The following MYH10 variants were observed in gnomAD, a reference collection of about 807,000 sequenced individuals.
MYH10 encodes myosin-10.
In MYH10, 55 loss-of-function variants were observed where a neutral mutation model predicts 257.8. The ratio of observed to expected loss-of-function variants is 0.21; its 90% confidence interval spans 0.17 to 0.27. The LOEUF is 0.27. MYH10 is among the 10% of genes least tolerant of loss of function. The pLI, the probability that MYH10 is intolerant of heterozygous loss-of-function variation, is 1.00. For missense variants in MYH10, 1,631 were observed against 2,500.6 expected (o/e 0.65, Z 7.42); for synonymous variants, 854 against 921.7 (o/e 0.93, Z 1.33).
intron 36 of MYH10, 22 bp from the exon 37 acceptor site, chr17:8,484,288 T>C: frequency 6.3e-7 from 1 of 1,591,998 alleles, no homozygotes. Context: ...TAAGAAGGTT[T>C]TGGGGTGGTT....
chr17:8,629,121 T>C (rs1044407540), intron 1 of MYH10, among the ~76,000 whole-genome samples: 7 of 151,932 alleles, frequency 4.6e-5, no homozygotes, highest in Non-Finnish European at 1.0e-4. Context: ...TAAAGGCAGA[T>C]TGATGAAGGA....
At chr17:8,526,872 T>C (rs575996669) in intron 17 of MYH10, among the ~76,000 whole-genome samples, 91 of 152,290 alleles carry the variant, frequency 6.0e-4, no homozygotes, top group African/African-American at 2.1e-3. Flanking sequence ...CTACTTAATA[T>C]AGCTGGAAAC....
Position 8,495,241 on chromosome 17 carries a change from T to G in MYH10, c.3952A>C (p.Asn1318His). The G allele has an allele frequency of 6.3e-7, 1 of 1,584,528 alleles. No homozygotes were observed. The highest frequency in any genetic ancestry group is 8.7e-7 in the Non-Finnish European group (1 of 1,153,808). ...ELAEKASKLQ[N>H]ELDNVSTLLE... ...AGGGTGGAGACATTATCTAGCTCAT[T>G]CTGTAAGGAGCAGAAGATTAAATTC... Residue 1318 changes from asparagine (N) to histidine (H), a missense_variant and splice_region_variant, in exon 31 of 43, where the codon AAT becomes CAT. Physicochemically the swap from Asn to His is moderately conservative, Grantham distance 68 (BLOSUM62 1). Around this residue, in one of 11 missense-constraint regions of MYH10, gnomAD observed 463 missense variants for 621.8 expected, o/e 0.74. Transcript: ENST00000360416.
intron 1 of MYH10, among the ~76,000 whole-genome samples, chr17:8,625,818 T>C (rs1391611896): frequency 1.3e-5 from 2 of 152,182 alleles, no homozygotes; most frequent in Non-Finnish European, 2.9e-5. Context: ...AGTTCCCAGA[T>C]GCTGCTGCCA....
intron 2 of MYH10, among the ~76,000 whole-genome samples, chr17:8,619,332 CATG>C (rs770752835): frequency 6.6e-6 from 1 of 152,128 alleles, no homozygotes; most frequent in East Asian, 1.9e-4. Flanking sequence ...TGCCTTTATT[CATG>C]ATAAGGCGTC....
chr17:8,475,602 C>CTG lies in MYH10; in HGVS notation c.*200_*201dup. On this transcript the variant is annotated 3_prime_UTR_variant, in exon 43 of 43. Transcript: ENST00000360416. Reference sequence around the variant, plus strand: ...AAACAATCTGTTTAATATATGTGTCCTGTGTGTGTCTATATATAAAAAGGG... The same window carrying CTG: ...AAACAATCTGTTTAATATATGTGTCCTGTGTGTGTGTCTATATATAAAAAGGG... 1.7e-6 allele frequency: 1 copy of CTG among 576,030 alleles called. No individual in the cohort carries two copies. The highest frequency in any genetic ancestry group is 2.8e-5 in the East Asian group (1 of 35,144). The allele number at this position is 576,030 out of a possible 1,614,324, so 35.7% of individuals were successfully genotyped here. A position where few individuals can be genotyped will look rare whatever the true frequency, so the allele number is the denominator to read the frequency against.
Position 8,489,690 on chromosome 17 carries a change from C to T in MYH10, c.4884+650G>A, listed in dbSNP as rs182930191. Among the ~76,000 whole-genome samples the T allele has an allele frequency of 2.2e-3, 264 of 122,388 alleles. 2 individuals are homozygous for T. The highest frequency in any genetic ancestry group is 3.3e-3 in the Admixed American group (39 of 11,688). 80.3% of individuals were successfully genotyped at this position (122,388 alleles called of 152,430 possible). A position where few individuals can be genotyped will look rare whatever the true frequency, so the allele number is the denominator to read the frequency against. ...CTGCACTCCAGCCTGGGTGACAGAG[C>T]GAGACTCCGTCTGAAAAAACACACA... On this transcript the variant is annotated intron_variant, in intron 35 of 42. Coordinates refer to ENST00000360416, the MANE Select transcript of MYH10 (RefSeq NM_001256012.3).
At chr17:8,603,974 T>TTA (rs1187764751) in intron 3 of MYH10, among the ~76,000 whole-genome samples, 1 of 152,174 alleles carries the variant, frequency 6.6e-6, no homozygotes, top group Non-Finnish European at 1.5e-5. Context: ...TGTACTTTAT[T>TTA]AATTCCTTCA....
At chr17:8,551,277 G>C (rs1165603459) in intron 9 of MYH10, among the ~76,000 whole-genome samples, 1 of 113,846 alleles carries the variant, frequency 8.8e-6, no homozygotes, top group Non-Finnish European at 2.1e-5. Flanking sequence ...GTCTCTCCTT[G>C]GCAATAACTC....
intron 7 of MYH10, chr17:8,560,626 T>G (rs2082959785): frequency 2.2e-6 from 2 of 893,876 alleles, no homozygotes; most frequent in South Asian, 2.5e-5. Context: ...TAAGGGTTCC[T>G]GCTTTCACAG....
chr17:8,594,840 T>C (rs1172331744), intron 3 of MYH10, among the ~76,000 whole-genome samples: 1 of 152,250 alleles, frequency 6.6e-6, no homozygotes, highest in Non-Finnish European at 1.5e-5. Flanking sequence ...ATAGTTGCTA[T>C]AGTGTATTGT....
chr17:8,570,769 G>A (rs889775051), intron 6 of MYH10, among the ~76,000 whole-genome samples: 1 of 152,166 alleles, frequency 6.6e-6, no homozygotes, highest in Non-Finnish European at 1.5e-5. Flanking sequence ...TTTTAAATTA[G>A]TGGCATTTGG....
At chr17:8,512,189 G>C (rs1230392769) in intron 24 of MYH10, among the ~76,000 whole-genome samples, 1 of 152,142 alleles carries the variant, frequency 6.6e-6, no homozygotes, top group Non-Finnish European at 1.5e-5. Flanking sequence ...GGAGGTTTGC[G>C]ACTGTGAATC....
intron 9 of MYH10, 151 bp from the exon 10 acceptor site, chr17:8,548,938 T>C (rs1445918045): frequency 9.0e-6 from 5 of 554,224 alleles, no homozygotes; most frequent in African/African-American, 6.3e-5. Flanking sequence ...TATATATTCA[T>C]GTAAATACAC....
chr17:8,553,244 T>C (rs1390145237), intron 8 of MYH10, among the ~76,000 whole-genome samples: 1 of 152,152 alleles, frequency 6.6e-6, no homozygotes, highest in Non-Finnish European at 1.5e-5. Context: ...TGGCTGTGAG[T>C]CCATTTGGAG....
chr17:8,591,592 A>G (rs2084142020), intron 3 of MYH10, among the ~76,000 whole-genome samples: 1 of 152,200 alleles, frequency 6.6e-6, no homozygotes, highest in Non-Finnish European at 1.5e-5. Context: ...TGGTTTTTCG[A>G]AAGTAGTTTA....
At chr17:8,616,059 G>A (rs528558889) in intron 2 of MYH10, among the ~76,000 whole-genome samples, 2 of 152,330 alleles carry the variant, frequency 1.3e-5, no homozygotes, top group South Asian at 2.1e-4. Context: ...TGAGGCAGGC[G>A]GATTGCTTTT....
intron 4 of MYH10, among the ~76,000 whole-genome samples, chr17:8,579,931 A>G (rs2083640518): frequency 6.6e-6 from 1 of 152,182 alleles, no homozygotes; most frequent in African/African-American, 2.4e-5. Context: ...CCCAATATCA[A>G]TGACTGACAA....
intron 2 of MYH10, among the ~76,000 whole-genome samples, chr17:8,616,482 A>G (rs1453399765): frequency 6.6e-6 from 1 of 152,156 alleles, no homozygotes; most frequent in East Asian, 1.9e-4. Context: ...ACAATTATGT[A>G]CATATTATCT....
Sources: allele counts gnomAD v4.1 joint callset (sites outside exome capture counted in the v4.1 genomes callset), GRCh38; gene constraint gnomAD v4.1.1; regional missense constraint gnomAD v4.1.1; transcripts MANE v1.5; gene names NCBI Gene and HGNC (gene_info 2026-07-23, HGNC 2026-07-21).